The following LRP1 variants were observed in gnomAD, a reference collection of about 807,000 sequenced individuals.
The protein encoded by LRP1 is LDL receptor related protein 1.
Under a neutral mutation model 541.5 loss-of-function variants are expected in LRP1, and 51 were observed. The observed-to-expected ratio is 0.09, with a 90% confidence interval of 0.08 to 0.12. LRP1 has a LOEUF of 0.12. LRP1 is among the 10% of genes least tolerant of loss of function. The pLI is 1.00. For missense variants in LRP1, 3,878 were observed against 6,376.2 expected (o/e 0.61, Z 13.34); for synonymous variants, 2,219 against 2,470.8 (o/e 0.90, Z 3.02).
chr12:57,156,966 A>T lies in LRP1; in HGVS notation c.1561+46A>T, dbSNP rs962581058. 8.0e-6 allele frequency: 12 copies of T among 1,507,196 alleles called. No homozygotes were observed. In the African/African-American group the frequency reaches 1.5e-4, roughly 19 times the overall value. The allele number at this position is 1,507,196 out of a possible 1,614,324, so 93.4% of individuals were successfully genotyped here. A position where few individuals can be genotyped will look rare whatever the true frequency, so the allele number is the denominator to read the frequency against. ...TGTGTGCCCATTGGGAGGCTGCGGG[A>T]GGGTTCCTCAGGTGTCCCCCACAGC... On this transcript the variant is annotated intron_variant, in intron 10 of 88. Transcript: ENST00000243077. The surrounding 1 kb of genome is among the most constrained non-coding windows in gnomAD (Gnocchi z 5.2).
chr12:57,189,903 C>T lies in LRP1; in HGVS notation c.7032-902C>T, dbSNP rs1420311311. 6.6e-6 allele frequency among the ~76,000 whole-genome samples: 1 copy of T among 152,098 alleles called. No homozygotes were observed. Among genetic ancestry groups the T allele is most frequent in the Admixed American group, 6.5e-5 (1 of 15,282 alleles). ...GACCGAGGACCCAGGGCTCACCATC[C>T]AATGCCGGTGGTCCAAGGACCACTC... On this transcript the variant is annotated intron_variant, in intron 42 of 88. Coordinates refer to ENST00000243077, the MANE Select transcript of LRP1 (RefSeq NM_002332.3). This position sits in a 1 kb window ranked among gnomAD's most constrained non-coding sequence, Gnocchi z 4.4.
Position 57,154,890 on chromosome 12 carries a change from G to C in LRP1, c.1227+189G>C. On this transcript the variant is annotated intron_variant, in intron 8 of 88. Coordinates refer to ENST00000243077, the MANE Select transcript of LRP1 (RefSeq NM_002332.3). The surrounding 1 kb of genome is among the most constrained non-coding windows in gnomAD (Gnocchi z 4.6). ...AAGGACAAGATACGGGTTCCACTGT[G>C]ATGGGAACAGTCATTTTAGAAACAC... The C allele has an allele frequency of 1.6e-6, 1 of 623,040 alleles. No homozygotes were observed. Among genetic ancestry groups the C allele is most frequent in the South Asian group, 1.9e-5 (1 of 53,476 alleles). The allele number at this position is 623,040 out of a possible 1,614,324, so 38.6% of individuals were successfully genotyped here. A position where few individuals can be genotyped will look rare whatever the true frequency, so the allele number is the denominator to read the frequency against.
rs769778868 is a variant in LRP1, at chr12:57,150,189, C to CTTTTTTTTT, written c.842-4007_842-3999dup. The CTTTTTTTTT allele has an allele frequency of 9.0e-3, 835 of 92,804 alleles. 14 individuals are homozygous for CTTTTTTTTT. Among genetic ancestry groups the CTTTTTTTTT allele is most frequent in the Middle Eastern group, 0.015 (2 of 130 alleles). 5.7% of individuals were successfully genotyped at this position (92,804 alleles called of 1,614,324 possible). A position where few individuals can be genotyped will look rare whatever the true frequency, so the allele number is the denominator to read the frequency against. Reference sequence around the variant, plus strand: ...GAGCCTGTAACAGGAAAACTTCCTTCTTTTTTTTTTTTTTTTTTTTGAGAT... The same window carrying CTTTTTTTTT: ...GAGCCTGTAACAGGAAAACTTCCTTCTTTTTTTTTTTTTTTTTTTTTTTTTTTTTGAGAT... On this transcript the variant is annotated intron_variant, in intron 6 of 88. Coordinates refer to ENST00000243077, the MANE Select transcript of LRP1 (RefSeq NM_002332.3).
chr12:57,150,428 T>C (rs1441191305), intron 6 of LRP1, among the ~76,000 whole-genome samples: 2 of 152,150 alleles, frequency 1.3e-5, no homozygotes, highest in Admixed American at 6.5e-5. Context: ...CCTGGCCTCA[T>C]GATCCACCTG....
chr12:57,128,640 T>C lies in LRP1; in HGVS notation c.-325T>C. Reference sequence around the variant, plus strand: ...TCCCCGCCTCCTCCCAATTGTGCATTTTTGCAGCCGGAGGCGGCTCCGAGA... The same window carrying C: ...TCCCCGCCTCCTCCCAATTGTGCATCTTTGCAGCCGGAGGCGGCTCCGAGA... On this transcript the variant is annotated 5_prime_UTR_variant, in exon 1 of 89. Coordinates refer to ENST00000243077, the MANE Select transcript of LRP1 (RefSeq NM_002332.3). 1 of 414,198 alleles carries C rather than the reference T, an allele frequency of 2.4e-6. No individual in the cohort carries two copies. The highest frequency in any genetic ancestry group is 6.2e-4 in the Middle Eastern group (1 of 1,624). 25.7% of individuals were successfully genotyped at this position (414,198 alleles called of 1,614,324 possible). A position where few individuals can be genotyped will look rare whatever the true frequency, so the allele number is the denominator to read the frequency against.
Position 57,202,544 on chromosome 12 carries a change from C to T in LRP1, c.10711+7C>T. On this transcript the variant is annotated splice_region_variant and intron_variant, in intron 68 of 88. Coordinates refer to ENST00000243077, the MANE Select transcript of LRP1 (RefSeq NM_002332.3). ...TCCGATGAAGAGAGCTGCAGTACGT[C>T]CCCACCCACCCAGCCCCGCATGAGC... The T allele has an allele frequency of 1.2e-6, 1 of 847,930 alleles. No homozygotes were observed. Among genetic ancestry groups the T allele is most frequent in the Non-Finnish European group, 1.8e-6 (1 of 570,132 alleles). The allele number at this position is 847,930 out of a possible 1,614,324, so 52.5% of individuals were successfully genotyped here.
chr12:57,135,389 CT>C (rs934643137), intron 1 of LRP1, among the ~76,000 whole-genome samples: 16 of 152,190 alleles, frequency 1.1e-4, no homozygotes, highest in Non-Finnish European at 2.1e-4. Context: ...GTGGGGTTGG[CT>C]TTCCCTCTAA....
rs2036210710 is a variant in LRP1, at chr12:57,183,649, A to T, written c.5795-126A>T. On this transcript the variant is annotated intron_variant, in intron 35 of 88. Coordinates refer to ENST00000243077, the MANE Select transcript of LRP1 (RefSeq NM_002332.3). The surrounding 1 kb of genome is among the most constrained non-coding windows in gnomAD (Gnocchi z 6.1). ...TTGCTACAGCTGCCACCCTGACTCC[A>T]CCTCCCCTTCAAGCACCTGGCCCCT... is the stretch of plus-strand genomic sequence containing the variant. The T allele has an allele frequency of 1.3e-6, 2 of 1,488,268 alleles. No individual in the cohort carries two copies. The highest frequency in any genetic ancestry group is 2.6e-5 in the South Asian group (2 of 78,180). 92.2% of individuals were successfully genotyped at this position (1,488,268 alleles called of 1,614,324 possible).
At position 57,211,204 on chromosome 12, in the gene LRP1, T is replaced by G. The variant is rs1270181528; in HGVS notation, c.12945T>G (p.Phe4315Leu). Reference protein sequence around the residue: ...YRQCSGYCENFGTCQMAADGS... With the variant: ...YRQCSGYCENLGTCQMAADGS... Reference sequence around the variant, plus strand: ...AGTGCTCTGGCTACTGTGAGAACTTTGGCACATGCCAGATGGCTGCTGATG... The same window carrying G: ...AGTGCTCTGGCTACTGTGAGAACTTGGGCACATGCCAGATGGCTGCTGATG... Residue 4315 changes from phenylalanine (F) to leucine (L), a missense_variant, in exon 84 of 89, where the codon TTT (phenylalanine) becomes TTG (leucine). Physicochemically the swap from Phe to Leu is conservative, Grantham distance 22 (BLOSUM62 0). Coordinates refer to ENST00000243077, the MANE Select transcript of LRP1 (RefSeq NM_002332.3). The surrounding 1 kb of genome is among the most constrained non-coding windows in gnomAD (Gnocchi z 4.3). 2 of 1,614,140 alleles carry G rather than the reference T, an allele frequency of 1.2e-6. No homozygotes were observed. The highest frequency in any genetic ancestry group is 2.7e-5 in the African/African-American group (2 of 74,958).
At position 57,199,871 on chromosome 12, in the gene LRP1, T is replaced by C. The variant is rs1368999201; in HGVS notation, c.9866-6T>C. 4 of 1,580,246 alleles carry C rather than the reference T, an allele frequency of 2.5e-6. No individual in the cohort carries two copies. The Admixed American group carries it at 5.8e-5, about 23-fold the overall frequency. On this transcript the variant is annotated splice_region_variant and splice_polypyrimidine_tract_variant and intron_variant, in intron 61 of 88. Transcript: ENST00000243077. ...TCACCATATTTCACGACGTTTTCTC[T>C]GGCAGTGCCCAATCACCCCTGCAAG...
At position 57,163,038 on chromosome 12, in the gene LRP1, C is replaced by T. The variant is rs540345218; in HGVS notation, c.2530+55C>T. Reference sequence around the variant, plus strand: ...GAAGCAGACCCCATCAGGAGGATGCCGAAGAGTGGGGAGGGGAGGATCCAG... The same window carrying T: ...GAAGCAGACCCCATCAGGAGGATGCTGAAGAGTGGGGAGGGGAGGATCCAG... On this transcript the variant is annotated intron_variant, in intron 15 of 88. Transcript: ENST00000243077. The T allele has an allele frequency of 1.1e-4, 168 of 1,546,498 alleles. 1 individual carries two copies. In the South Asian group the frequency reaches 1.8e-3, roughly 17 times the overall value.
At chr12:57,161,173 G>C in intron 13 of LRP1, 58 bp downstream of exon 13, 1 of 1,544,394 alleles carries the variant, frequency 6.5e-7, no homozygotes, top group Non-Finnish European at 8.8e-7. Context: ...CCATGCTTGG[G>C]CGTGGATGAG....
Position 57,177,728 on chromosome 12 carries a change from G to A in LRP1, c.4361+137G>A. The A allele has an allele frequency of 9.4e-7, 1 of 1,061,286 alleles. No homozygotes were observed. The highest frequency in any genetic ancestry group is 1.6e-5 in the South Asian group (1 of 63,786). The allele number at this position is 1,061,286 out of a possible 1,614,324, so 65.7% of individuals were successfully genotyped here. ...AACGGTGGCAAAGGACTGGGCACAGGAGGAGGAGGACGGAGGGGCGTGGGG... is the reference window on the plus strand; with the variant it reads ...AACGGTGGCAAAGGACTGGGCACAGAAGGAGGAGGACGGAGGGGCGTGGGG... On this transcript the variant is annotated intron_variant, in intron 26 of 88. Transcript: ENST00000243077. The surrounding 1 kb of genome is among the most constrained non-coding windows in gnomAD (Gnocchi z 6.8).
At position 57,173,299 on chromosome 12, in the gene LRP1, G is replaced by A. The variant is rs1555184078; in HGVS notation, c.3295G>A (p.Gly1099Arg). 6.2e-7 allele frequency: 1 copy of A among 1,614,006 alleles called. No homozygotes were observed. The highest frequency in any genetic ancestry group is 1.1e-5 in the South Asian group (1 of 91,090). Reference protein sequence around the residue: ...MDSSDEKSCEGVTHVCDPSVK... With the variant: ...MDSSDEKSCERVTHVCDPSVK... ...CTCCAGCGATGAGAAGAGCTGTGAGGGAGTGACCCACGTCTGCGATCCCAG... is the reference window on the plus strand; with the variant it reads ...CTCCAGCGATGAGAAGAGCTGTGAGAGAGTGACCCACGTCTGCGATCCCAG... The change falls in exon 21 of 89, where the codon GGA becomes AGA. Residue 1099 changes from glycine (G) to arginine (R), a missense_variant. Gly to Arg is a moderately radical substitution (Grantham distance 125). Around this residue, in one of 13 missense-constraint regions of LRP1, gnomAD observed 320 missense variants for 547.9 expected, o/e 0.58. Transcript: ENST00000243077. This position sits in a 1 kb window ranked among gnomAD's most constrained non-coding sequence, Gnocchi z 4.7.
intron 20 of LRP1, among the ~76,000 whole-genome samples, chr12:57,170,429 A>T (rs2035922981): frequency 6.6e-6 from 1 of 152,142 alleles, no homozygotes; most frequent in Non-Finnish European, 1.5e-5. Flanking sequence ...CTATAATCCC[A>T]GCACTCTGGG....
chr12:57,156,688 G>C lies in LRP1; in HGVS notation c.1418-89G>C. 1 of 1,390,446 alleles carries C rather than the reference G, an allele frequency of 7.2e-7. No individual in the cohort carries two copies. The highest frequency in any genetic ancestry group is 9.8e-7 in the Non-Finnish European group (1 of 1,023,572). The allele number at this position is 1,390,446 out of a possible 1,614,324, so 86.1% of individuals were successfully genotyped here. On this transcript the variant is annotated intron_variant, in intron 9 of 88. Transcript: ENST00000243077. This position sits in a 1 kb window ranked among gnomAD's most constrained non-coding sequence, Gnocchi z 5.2. ...GATAGCAAGCACAAAGACCACAGCA[G>C]CAGGGGGTGTGGTCAGATTCAGGAA...
At chr12:57,191,748 A>G (rs1161605547) in intron 44 of LRP1, among the ~76,000 whole-genome samples, 3 of 32,642 alleles carry the variant, frequency 9.2e-5, no homozygotes, top group Non-Finnish European at 2.0e-4. Context: ...ATACACATAC[A>G]CCCCCAACAC....
rs1440346822 is a variant in LRP1 at position 57,173,693 on chromosome 12, A to C, written c.3347-87A>C. The C allele has an allele frequency of 2.1e-6, 3 of 1,401,472 alleles. No individual in the cohort carries two copies. The highest frequency in any genetic ancestry group is 3.0e-6 in the Non-Finnish European group (3 of 990,870). 86.8% of individuals were successfully genotyped at this position (1,401,472 alleles called of 1,614,324 possible). A position where few individuals can be genotyped will look rare whatever the true frequency, so the allele number is the denominator to read the frequency against. Reference sequence around the variant, plus strand: ...CCCACAGCGTTGCAATCCTGACCCTATTAGAGAAGCCCACAGGGTCTGGAA... The same window carrying C: ...CCCACAGCGTTGCAATCCTGACCCTCTTAGAGAAGCCCACAGGGTCTGGAA... On this transcript the variant is annotated intron_variant, in intron 21 of 88. Transcript: ENST00000243077. This position sits in a 1 kb window ranked among gnomAD's most constrained non-coding sequence, Gnocchi z 4.7.
At chr12:57,208,673 C>T in intron 77 of LRP1, 38 bp from the exon 78 acceptor site, 1 of 1,409,402 alleles carries the variant, frequency 7.1e-7, no homozygotes, top group Non-Finnish European at 1.0e-6. Context: ...TCCTCTGGCC[C>T]TCCGGCCTGC....
Sources: allele counts gnomAD v4.1 joint callset (sites outside exome capture counted in the v4.1 genomes callset), GRCh38; gene constraint gnomAD v4.1.1; regional missense constraint gnomAD v4.1.1; non-coding constraint Gnocchi (gnomAD v3.1); transcripts MANE v1.5; gene names NCBI Gene and HGNC (gene_info 2026-07-23, HGNC 2026-07-21).